Variants in GRK4 observed in about 807,000 individuals in gnomAD.
GRK4 encodes G protein-coupled receptor kinase 2-like.
A neutral mutation model predicts 77.9 loss-of-function variants in GRK4; 73 were observed. That is an observed-to-expected ratio of 0.94 (90% CI 0.78 to 1.14). GRK4 has a LOEUF of 1.14. GRK4 is among the 50% of genes most tolerant of loss of function. The pLI is 0.00. For synonymous variants in GRK4, 257 were observed against 254.4 expected, an observed-to-expected ratio of 1.01 and a Z score of -0.10; for missense variants, 729 against 700.2, an observed-to-expected ratio of 1.04 and a Z score of -0.46.
At chr4:2,998,217 G>T (rs1231180029) in intron 4 of GRK4, among the ~76,000 whole-genome samples, 2 of 152,038 alleles carry the variant, frequency 1.3e-5, no homozygotes, top group Non-Finnish European at 2.9e-5. Context: ...AATTAGCTGG[G>T]CATGGTGGTA....
chr4:2,994,490 C>T (rs1038776890), intron 4 of GRK4, among the ~76,000 whole-genome samples: 2 of 152,172 alleles, frequency 1.3e-5, no homozygotes, highest in Non-Finnish European at 2.9e-5. Context: ...GGATTACAGG[C>T]GTGAACCACT....
chr4:3,000,052 A>T (rs959043843), intron 4 of GRK4, among the ~76,000 whole-genome samples: 2 of 152,226 alleles, frequency 1.3e-5, no homozygotes, highest in South Asian at 4.1e-4. Context: ...CTTTCCTATT[A>T]GAATTTCCTC....
intron 1 of GRK4, chr4:2,966,046 A>G (rs1451361463): frequency 6.4e-6 from 1 of 156,920 alleles, no homozygotes; most frequent in African/African-American, 2.4e-5. Context: ...GATAAATACA[A>G]GTGCTCTATA....
In GRK4 at chr4:3,002,619, G is replaced by A. The variant is rs142178104; in HGVS notation, c.340-1612G>A. Among the ~76,000 whole-genome samples the A allele has an allele frequency of 2.4e-4, 36 of 152,172 alleles. No individual in the cohort carries two copies. In the East Asian group the frequency reaches 6.2e-3, roughly 26 times the overall value. On this transcript the variant is annotated intron_variant, in intron 4 of 15. Coordinates refer to ENST00000398052, the MANE Select transcript of GRK4 (RefSeq NM_182982.3). ...CTTGGGCGGCTGAGGCAGGAGAATCGCTTGAACCTGGGCGGCGGGACTTGC... is the reference window on the plus strand; with the variant it reads ...CTTGGGCGGCTGAGGCAGGAGAATCACTTGAACCTGGGCGGCGGGACTTGC...
chr4:2,964,209 C>T (rs1716696014), intron 1 of GRK4, 87 bp downstream of exon 1: 1 of 1,088,640 alleles, frequency 9.2e-7, no homozygotes, highest in Middle Eastern at 2.9e-4. Flanking sequence ...AACCCGACAT[C>T]CCCGGAGAAC....
chr4:2,998,786 C>T (rs1728710839), intron 4 of GRK4, among the ~76,000 whole-genome samples: 1 of 151,758 alleles, frequency 6.6e-6, no homozygotes. Context: ...CAGTACTCCC[C>T]AAATTGATCT....
intron 12 of GRK4, among the ~76,000 whole-genome samples, chr4:3,033,428 A>G (rs927005567): frequency 6.6e-6 from 1 of 152,138 alleles, no homozygotes; most frequent in African/African-American, 2.4e-5. Flanking sequence ...TTCAGCTTAC[A>G]GATTTGTGGG....
chr4:3,020,987 A>G (rs990791484), intron 9 of GRK4, among the ~76,000 whole-genome samples: 10 of 152,098 alleles, frequency 6.6e-5, no homozygotes, highest in African/African-American at 2.4e-4. Context: ...TGTAGGTTAT[A>G]TGGAAATTTT....
chr4:3,001,207 A>G (rs1036015678), intron 4 of GRK4, among the ~76,000 whole-genome samples: 1 of 134,448 alleles, frequency 7.4e-6, no homozygotes, highest in Non-Finnish European at 1.6e-5. Flanking sequence ...ATATATGTGT[A>G]TGTGTATATA....
chr4:3,035,605 A>G, intron 13 of GRK4, 82 bp downstream of exon 13: 1 of 1,453,124 alleles, frequency 6.9e-7, no homozygotes, highest in South Asian at 1.4e-5. Flanking sequence ...TTTCAAAAAT[A>G]GAGATGGGGG....
chr4:3,029,628 G>A (rs1738585341), intron 12 of GRK4, among the ~76,000 whole-genome samples: 1 of 151,662 alleles, frequency 6.6e-6, no homozygotes, highest in South Asian at 2.1e-4. Context: ...GAGGACACGT[G>A]TGTTCAGGAG....
intron 1 of GRK4, among the ~76,000 whole-genome samples, chr4:2,978,097 A>T (rs1408781095): frequency 6.6e-6 from 1 of 152,224 alleles, no homozygotes; most frequent in Non-Finnish European, 1.5e-5. Context: ...GCTAAAATTG[A>T]GAATAAACTA....
intron 1 of GRK4, among the ~76,000 whole-genome samples, chr4:2,977,747 C>T (rs1391151400): frequency 6.6e-6 from 1 of 152,080 alleles, no homozygotes; most frequent in Non-Finnish European, 1.5e-5. Context: ...CACGGAGAAC[C>T]GTGTGGGAGA....
At chr4:2,965,852 G>A in intron 1 of GRK4, 1 of 231,086 alleles carries the variant, frequency 4.3e-6, no homozygotes, top group Non-Finnish European at 8.7e-6. Flanking sequence ...TGGAGCATTT[G>A]ACTGTGCCTC....
chr4:2,972,425 A>G (rs950047550), intron 1 of GRK4, among the ~76,000 whole-genome samples: 2 of 152,176 alleles, frequency 1.3e-5, no homozygotes, highest in Non-Finnish European at 2.9e-5. Flanking sequence ...ACGTGGAACC[A>G]GACTGCTGTG....
In GRK4 at chr4:2,963,590, G is replaced by A; in HGVS notation, c.-481G>A. The A allele has an allele frequency of 2.2e-6, 1 of 449,642 alleles. No individual in the cohort carries two copies. The highest frequency in any genetic ancestry group is 4.4e-5 in the South Asian group (1 of 22,800). 27.9% of individuals were successfully genotyped at this position (449,642 alleles called of 1,614,324 possible). ...GGAGCTGTAGTGCCCCGGCCGCGGC[G>A]GCGAGGGGCGCTCCCTCTTCAGCTA... On this transcript the variant is annotated 5_prime_UTR_variant, in exon 1 of 16. Transcript: ENST00000398052.
At chr4:2,976,631 CTTTTT>C (rs769469513) in intron 1 of GRK4, among the ~76,000 whole-genome samples, 3 of 117,354 alleles carry the variant, frequency 2.6e-5, no homozygotes, top group Non-Finnish European at 5.4e-5. Context: ...TTCTTTCTTT[CTTTTT>C]TTTTTTTTTT....
At position 3,035,416 on chromosome 4, in the gene GRK4, G is replaced by C. The variant is rs1740324580; in HGVS notation, c.1300G>C (p.Gly434Arg). ...CACCAAGAATCCAAGCAAGCGGCTG[G>C]GCTGCAGGGGCGAGGGAGCGGCTGG... ...LLTKNPSKRL[G>R]CRGEGAAGVK... is the part of the protein sequence containing the mutation. Residue 434 changes from glycine to arginine, a missense_variant, in exon 13 of 16, where the codon GGC (glycine) becomes CGC (arginine). Transcript: ENST00000398052. 4 of 1,613,844 alleles carry C rather than the reference G, an allele frequency of 2.5e-6. No individual in the cohort carries two copies. Among genetic ancestry groups the C allele is most frequent in the South Asian group, 1.1e-5 (1 of 91,080 alleles).
chr4:3,034,432 G>A (rs1231136313), intron 12 of GRK4, among the ~76,000 whole-genome samples: 1 of 152,200 alleles, frequency 6.6e-6, no homozygotes, highest in African/African-American at 2.4e-5. Flanking sequence ...GGGTGGTGTC[G>A]ATAAAGCCTT....
Sources: gnomAD v4.1 joint callset for allele counts (sites outside exome capture counted in the v4.1 genomes callset) on GRCh38, gnomAD v4.1.1 for gene constraint, MANE v1.5 for transcripts, NCBI Gene and HGNC (gene_info 2026-07-23, HGNC 2026-07-21) for gene names.